ANAPC7: variants seen among roughly 807,000 people sequenced by gnomAD.
ANAPC7 encodes anaphase-promoting complex subunit 7.
In ANAPC7, 25 loss-of-function variants were observed where a neutral mutation model predicts 63.3. The ratio of observed to expected loss-of-function variants is 0.39; its 90% CI spans 0.29 to 0.55. ANAPC7 has a LOEUF of 0.55. Among genes scored for constraint, ANAPC7 ranks in the 20% least tolerant of loss-of-function variants. The pLI is 0.57. For missense variants in ANAPC7, 516 were observed against 691.7 expected (o/e 0.75, Z 2.85); for synonymous variants, 241 against 251.7 (o/e 0.96, Z 0.40).
chr12:110,380,533 C>A (rs1171896370), intron 8 of ANAPC7, among the ~76,000 whole-genome samples: 1 of 151,580 alleles, frequency 6.6e-6, no homozygotes. Flanking sequence ...CGCCTATAAT[C>A]CCAGCTACTT....
chr12:110,387,868 C>A lies in ANAPC7; in HGVS notation c.545G>T (p.Gly182Val). The A allele has an allele frequency of 6.2e-7, 1 of 1,614,022 alleles. No homozygotes were observed. Among genetic ancestry groups the A allele is most frequent in the Non-Finnish European group, 8.5e-7 (1 of 1,179,990 alleles). Residue 182 changes from glycine (G) to valine (V), a missense_variant, in exon 5 of 11, where the codon GGG (glycine) becomes GTG (valine). Transcript: ENST00000455511. ...CATTGTCATGGATGCCACCTCTGCC[C>A]CTTTTACAGAAAGGGACAACAAGCC... ...ILGLLSLSVK[G>V]AEVASMTMNV...
At chr12:110,399,834 G>A (rs966572594) in intron 1 of ANAPC7, among the ~76,000 whole-genome samples, 9 of 149,856 alleles carry the variant, frequency 6.0e-5, no homozygotes, top group African/African-American at 1.7e-4. Context: ...GGTGGCTCAC[G>A]CCTGTAATCA....
At chr12:110,399,836 C>A (rs1477059947) in intron 1 of ANAPC7, among the ~76,000 whole-genome samples, 1 of 150,984 alleles carries the variant, frequency 6.6e-6, no homozygotes, top group Non-Finnish European at 1.5e-5. Context: ...TGGCTCACGC[C>A]TGTAATCACA....
intron 1 of ANAPC7, among the ~76,000 whole-genome samples, chr12:110,403,315 C>G (rs1592937946): frequency 6.6e-6 from 1 of 152,104 alleles, no homozygotes; most frequent in Admixed American, 6.5e-5. Context: ...AGCCGCCGCT[C>G]GCCACATCCC....
At chr12:110,388,644 G>C in intron 3 of ANAPC7, 21 bp from the exon 4 acceptor site, 1 of 1,556,142 alleles carries the variant, frequency 6.4e-7, no homozygotes, top group Non-Finnish European at 8.8e-7. Flanking sequence ...ACAAATAACA[G>C]ATAGCAAAAT....
At chr12:110,396,198 C>A in intron 2 of ANAPC7, 68 bp downstream of exon 2, 3 of 1,446,200 alleles carry the variant, frequency 2.1e-6, no homozygotes, top group Middle Eastern at 1.8e-4. Flanking sequence ...GCCTGGGGAC[C>A]CTGTTCTAAA....
intron 6 of ANAPC7, among the ~76,000 whole-genome samples, chr12:110,385,344 T>G (rs1482307262): frequency 1.3e-5 from 2 of 152,206 alleles, no homozygotes; most frequent in Non-Finnish European, 2.9e-5. Context: ...AAGGGACCTA[T>G]GCTCACTGTT....
At chr12:110,396,489 C>T (rs2062137898) in intron 1 of ANAPC7, 37 bp from the exon 2 acceptor site, 2 of 1,493,854 alleles carry the variant, frequency 1.3e-6, no homozygotes, top group South Asian at 1.2e-5. Context: ...ATCTTTTCCT[C>T]CCTTTCAATC....
chr12:110,396,819 G>A (rs1283007917), intron 1 of ANAPC7, among the ~76,000 whole-genome samples: 3 of 150,428 alleles, frequency 2.0e-5, no homozygotes, highest in African/African-American at 7.3e-5. Context: ...CTGGCCACCA[G>A]GCCCTTTTAA....
At chr12:110,399,111 C>T (rs527526870) in intron 1 of ANAPC7, among the ~76,000 whole-genome samples, 54 of 150,808 alleles carry the variant, frequency 3.6e-4, no homozygotes, top group African/African-American at 1.3e-3. Context: ...ACCCCTGCCT[C>T]CCGGGTTCAA....
intron 3 of ANAPC7, among the ~76,000 whole-genome samples, chr12:110,389,941 C>CA (rs946827258): frequency 8.8e-5 from 13 of 148,416 alleles, no homozygotes; most frequent in African/African-American, 2.2e-4. Context: ...CAAAAAACAA[C>CA]AAAAAAAACC....
intron 2 of ANAPC7, 73 bp downstream of exon 2, chr12:110,396,193 G>C (rs988721185): frequency 5.5e-5 from 77 of 1,399,880 alleles, no homozygotes; most frequent in Non-Finnish European, 7.1e-5. Flanking sequence ...CTGGGGCCTG[G>C]GGACCCTGTT....
intron 1 of ANAPC7, 53 bp from the exon 2 acceptor site, chr12:110,396,505 TC>T (rs1433188949): frequency 1.5e-6 from 2 of 1,340,592 alleles, no homozygotes; most frequent in African/African-American, 3.0e-5. Flanking sequence ...CAATCCAAGC[TC>T]CCCCAGCTTC....
chr12:110,390,118 G>C (rs78843188), intron 3 of ANAPC7, among the ~76,000 whole-genome samples: 21,162 of 151,454 alleles, frequency 0.14, 2,177 homozygotes, highest in African/African-American at 0.29. Context: ...ACCCAGGCTA[G>C]AGTGCGATGG....
At chr12:110,377,670 A>G in intron 8 of ANAPC7, 53 bp from the exon 9 acceptor site, 1 of 1,609,380 alleles carries the variant, frequency 6.2e-7, no homozygotes, top group Non-Finnish European at 8.5e-7. Flanking sequence ...ATTCCAACCC[A>G]TGCTTCCACT....
In ANAPC7 at chr12:110,396,361, TACTC is replaced by T. The variant is rs769915811; in HGVS notation, c.189_192del (p.Lys65IlefsTer11). On this transcript the variant is annotated frameshift_variant, in exon 2 of 11. Transcript: ENST00000455511. LOFTEE classifies it high-confidence loss of function. ...TTCTGCTGTAAAGCCATGGTATACT[TACTC>T]ACAGCATTCCGATATTCCTTATCAT... 2 of 1,613,958 alleles carry T rather than the reference TACTC, an allele frequency of 1.2e-6. No individual in the cohort carries two copies. The highest frequency in any genetic ancestry group is 1.7e-6 in the Non-Finnish European group (2 of 1,179,866).
chr12:110,375,560 C>A (rs893002191), intron 10 of ANAPC7: 4 of 811,308 alleles, frequency 4.9e-6, no homozygotes, highest in African/African-American at 3.7e-5. Context: ...AATCATTTAA[C>A]CCTCATTCGA....
At chr12:110,387,688 C>A in intron 5 of ANAPC7, 51 bp downstream of exon 5, 1 of 1,565,122 alleles carries the variant, frequency 6.4e-7, no homozygotes, top group Non-Finnish European at 8.7e-7. Context: ...CATCAGACTT[C>A]CAGACAAGCA....
At chr12:110,382,452 AAAAAAAAAAATATATATATATATATAT>A (rs1474580103) in intron 7 of ANAPC7, among the ~76,000 whole-genome samples, 1 of 97,992 alleles carries the variant, frequency 1.0e-5, no homozygotes, top group Non-Finnish European at 2.0e-5. Context: ...AAAAAAAAAA[AAAAAAAAAAATATATATATATATATAT>A]ATATATATAT....
Sources: allele counts gnomAD v4.1 joint callset (sites outside exome capture counted in the v4.1 genomes callset), GRCh38; gene constraint gnomAD v4.1.1; transcripts MANE v1.5; gene names NCBI Gene and HGNC (gene_info 2026-07-23, HGNC 2026-07-21).